Variants in EFNA5 observed in about 807,000 individuals in gnomAD.
EFNA5 encodes ephrin-A5.
In EFNA5, 5 loss-of-function variants were observed where a neutral mutation model predicts 22.9. The observed-to-expected ratio is 0.22, with a 90% CI of 0.11 to 0.46. EFNA5 has a LOEUF of 0.46. EFNA5 is among the 20% of genes least tolerant of loss of function. The probability of loss-of-function intolerance (pLI) is 0.99; values close to 1 mark genes in which losing one functional copy is unlikely to be tolerated. For missense variants in EFNA5, 237 were observed against 293.3 expected (o/e 0.81, Z 1.40); for synonymous variants, 113 against 112.2 (o/e 1.01, Z -0.04).
intron 1 of EFNA5, among the ~76,000 whole-genome samples, chr5:107,568,429 C>G (rs12332263): frequency 0.029 from 4,417 of 152,260 alleles, 208 homozygotes; most frequent in African/African-American, 0.098. Context: ...ACAGAGAGGA[C>G]ATGCCTAGGC....
intron 1 of EFNA5, among the ~76,000 whole-genome samples, chr5:107,518,580 C>CTA (rs1446682562): frequency 4.3e-5 from 4 of 92,602 alleles, no homozygotes; most frequent in African/African-American, 1.5e-4. Context: ...GTACACCATG[C>CTA]CAAAAAAAAA....
chr5:107,468,899 T>C (rs1187857621), intron 1 of EFNA5, among the ~76,000 whole-genome samples: 3 of 152,242 alleles, frequency 2.0e-5, no homozygotes, highest in South Asian at 2.1e-4. Context: ...GTCTGAAATG[T>C]TGTTGTCAAA....
intron 1 of EFNA5, among the ~76,000 whole-genome samples, chr5:107,547,931 C>T (rs1748202697): frequency 6.6e-6 from 1 of 152,178 alleles, no homozygotes; most frequent in African/African-American, 2.4e-5. Context: ...CCTAAAATAG[C>T]ATTCAATTTC....
intron 2 of EFNA5, among the ~76,000 whole-genome samples, chr5:107,394,343 A>T (rs759979041): frequency 6.6e-6 from 1 of 152,224 alleles, no homozygotes; most frequent in African/African-American, 2.4e-5. Context: ...GAGGTCACTA[A>T]GTAAAGATAG....
At chr5:107,488,749 T>A (rs759953519) in intron 1 of EFNA5, among the ~76,000 whole-genome samples, 4 of 152,184 alleles carry the variant, frequency 2.6e-5, no homozygotes, top group Non-Finnish European at 4.4e-5. Flanking sequence ...TACAGTGCAA[T>A]GGCACGATCT....
At chr5:107,625,111 C>T (rs1336820422) in intron 1 of EFNA5, among the ~76,000 whole-genome samples, 3 of 152,130 alleles carry the variant, frequency 2.0e-5, no homozygotes, top group African/African-American at 7.2e-5. Context: ...ACCAAAATAA[C>T]TTCCAAACTT....
At chr5:107,442,953 A>AC (rs1268420066) in intron 1 of EFNA5, among the ~76,000 whole-genome samples, 12 of 137,486 alleles carry the variant, frequency 8.7e-5, no homozygotes, top group African/African-American at 2.1e-4. Flanking sequence ...AAAAAAAAAA[A>AC]CCCTGTGAAT....
intron 2 of EFNA5, among the ~76,000 whole-genome samples, chr5:107,415,554 G>A (rs1748482460): frequency 6.6e-6 from 1 of 152,106 alleles, no homozygotes; most frequent in Admixed American, 6.5e-5. Flanking sequence ...TTTTTTGGAG[G>A]GCTGCTGGGT....
At chr5:107,552,133 C>T (rs1267924111) in intron 1 of EFNA5, among the ~76,000 whole-genome samples, 1 of 152,086 alleles carries the variant, frequency 6.6e-6, no homozygotes, top group Non-Finnish European at 1.5e-5. Flanking sequence ...TGGCCATTTA[C>T]TGTGGCCCAC....
At chr5:107,461,060 A>C (rs1749824523) in intron 1 of EFNA5, among the ~76,000 whole-genome samples, 2 of 152,136 alleles carry the variant, frequency 1.3e-5, no homozygotes, top group South Asian at 4.1e-4. Flanking sequence ...TTGTGTTTTC[A>C]GAGTAGGGAA....
chr5:107,652,159 C>A (rs1750747758), intron 1 of EFNA5, among the ~76,000 whole-genome samples: 1 of 152,168 alleles, frequency 6.6e-6, no homozygotes, highest in Admixed American at 6.6e-5. Flanking sequence ...CAACCTACCT[C>A]TTCAGCCCAT....
intron 1 of EFNA5, among the ~76,000 whole-genome samples, chr5:107,483,094 T>C (rs1459212911): frequency 6.6e-6 from 1 of 152,176 alleles, no homozygotes; most frequent in Admixed American, 6.5e-5. Flanking sequence ...ATCTTCTTTA[T>C]GTAATAGTGT....
At chr5:107,404,687 G>A (rs112815502) in intron 2 of EFNA5, among the ~76,000 whole-genome samples, 7,530 of 152,216 alleles carry the variant, frequency 0.049, 254 homozygotes, top group Non-Finnish European at 0.075. Flanking sequence ...AAGTCTTCCT[G>A]ATGCCAGAAC....
intron 1 of EFNA5, among the ~76,000 whole-genome samples, chr5:107,660,313 T>C (rs1750926337): frequency 9.1e-6 from 1 of 110,468 alleles, no homozygotes; most frequent in African/African-American, 3.6e-5. Context: ...TATATATATA[T>C]ATTTGGCAAG....
intron 1 of EFNA5, among the ~76,000 whole-genome samples, chr5:107,598,676 A>C (rs1371886244): frequency 6.6e-6 from 1 of 152,218 alleles, no homozygotes; most frequent in East Asian, 1.9e-4. Context: ...ATTCAGAATC[A>C]GAATTATGAA....
intron 1 of EFNA5, among the ~76,000 whole-genome samples, chr5:107,642,433 G>C (rs1337784337): frequency 7.0e-6 from 1 of 142,582 alleles, no homozygotes; most frequent in Non-Finnish European, 1.5e-5. Context: ...TCATTTTGTA[G>C]ACCATAGATA....
intron 1 of EFNA5, among the ~76,000 whole-genome samples, chr5:107,475,178 C>T (rs150022870): frequency 0.018 from 2,815 of 152,286 alleles, 44 homozygotes; most frequent in Middle Eastern, 0.027. Context: ...ATAAACAATC[C>T]TTTTTTCTCC....
intron 2 of EFNA5, among the ~76,000 whole-genome samples, chr5:107,397,679 G>T (rs1747965577): frequency 6.6e-6 from 1 of 152,116 alleles, no homozygotes; most frequent in African/African-American, 2.4e-5. Context: ...CAAGTATCTA[G>T]ATAGAAATAT....
chr5:107,428,847 G>T (rs892158806), intron 1 of EFNA5, among the ~76,000 whole-genome samples: 21 of 152,166 alleles, frequency 1.4e-4, no homozygotes, highest in Admixed American at 1.3e-3. Flanking sequence ...TCTACCCAGT[G>T]ATCCTACTTC....
Sources: gnomAD v4.1 joint callset for allele counts (sites outside exome capture counted in the v4.1 genomes callset) on GRCh38, gnomAD v4.1.1 for gene constraint, MANE v1.5 for transcripts, NCBI Gene and HGNC (gene_info 2026-07-23, HGNC 2026-07-21) for gene names.